MPDZ: variants seen among roughly 807,000 people sequenced by gnomAD.
The protein encoded by MPDZ is multiple PDZ domain protein.
A neutral mutation model predicts 239.1 loss-of-function variants in MPDZ; 234 were observed. That is an observed-to-expected ratio of 0.98 (90% confidence interval 0.88 to 1.09). MPDZ has a LOEUF of 1.09. Among genes scored for constraint, MPDZ ranks in the 50% least tolerant of loss-of-function variants. The pLI is 0.00. For missense variants in MPDZ, 3,175 were observed against 2,510.0 expected (o/e 1.26, Z -5.66); for synonymous variants, 1,048 against 881.3 (o/e 1.19, Z -3.35).
chr9:13,127,513 C>T (rs1228671806), intron 32 of MPDZ, among the ~76,000 whole-genome samples: 1 of 152,068 alleles, frequency 6.6e-6, no homozygotes, highest in African/African-American at 2.4e-5. Flanking sequence ...CCAGAGCTAG[C>T]CACCTTCTAA....
At position 13,150,706 on chromosome 9, in the gene MPDZ, T is replaced by A. The variant is rs751732433; in HGVS notation, c.3453-18A>T. 1 of 1,308,890 alleles carries A rather than the reference T, an allele frequency of 7.6e-7. No individual in the cohort carries two copies. Among genetic ancestry groups the A allele is most frequent in the Non-Finnish European group, 9.8e-7 (1 of 1,020,032 alleles). The allele number at this position is 1,308,890 out of a possible 1,614,324, so 81.1% of individuals were successfully genotyped here. On this transcript the variant is annotated intron_variant, in intron 24 of 46. Coordinates refer to ENST00000319217, the MANE Select transcript of MPDZ (RefSeq NM_001378778.1). ...GTTCCACCCTAAAAAATAAATAAAA[T>A]TTTCAACTCTTAGGAAAAATCATAA... is the stretch of plus-strand genomic sequence containing the variant.
rs750039753 is a variant in MPDZ, at chr9:13,217,190, A to T, written c.1191T>A (p.Asp397Glu). Reference protein sequence around the residue: ...LGITIAGYIGDKKLEPSGIFV... With the variant: ...LGITIAGYIGEKKLEPSGIFV... ...AATGTTTAAAATTACCCAATTTTTT[A>T]TCTCCAATGTAGCCAGCAATGGTAA... is the stretch of plus-strand genomic sequence containing the variant. The change falls in exon 9 of 47, where the codon GAT becomes GAA. Residue 397 changes from aspartate (D) to glutamate (E), a missense_variant. Asp to Glu is a conservative substitution (Grantham distance 45). Coordinates refer to ENST00000319217, the MANE Select transcript of MPDZ (RefSeq NM_001378778.1). 6.3e-7 allele frequency: 1 copy of T among 1,580,370 alleles called. No homozygotes were observed. Among genetic ancestry groups the T allele is most frequent in the East Asian group, 2.3e-5 (1 of 44,326 alleles).
chr9:13,169,965 T>G (rs1951577670), intron 21 of MPDZ, among the ~76,000 whole-genome samples: 1 of 152,202 alleles, frequency 6.6e-6, no homozygotes. Context: ...AGACTCTATC[T>G]GAATTAATGT....
At chr9:13,233,026 A>G (rs1202325385) in intron 3 of MPDZ, among the ~76,000 whole-genome samples, 3 of 152,136 alleles carry the variant, frequency 2.0e-5, no homozygotes, top group African/African-American at 7.2e-5. Context: ...ATTGGAGAAA[A>G]TAAATTTAAA....
chr9:13,215,191 C>T (rs1007451648), intron 10 of MPDZ, among the ~76,000 whole-genome samples: 9 of 151,828 alleles, frequency 5.9e-5, no homozygotes, highest in South Asian at 4.1e-4. Flanking sequence ...ATTTTAGATA[C>T]TTCATATCAG....
intron 21 of MPDZ, among the ~76,000 whole-genome samples, chr9:13,171,603 T>C (rs766481915): frequency 6.6e-6 from 1 of 152,132 alleles, no homozygotes; most frequent in African/African-American, 2.4e-5. Flanking sequence ...CACAGACTTA[T>C]CAAAAAGCAT....
At chr9:13,181,047 C>T (rs1358529760) in intron 19 of MPDZ, among the ~76,000 whole-genome samples, 2 of 151,998 alleles carry the variant, frequency 1.3e-5, no homozygotes, top group African/African-American at 4.8e-5. Context: ...CTGACGAAGG[C>T]CAAAAGACCA....
chr9:13,251,609 C>CA (rs947373230), intron 1 of MPDZ, among the ~76,000 whole-genome samples: 1 of 152,170 alleles, frequency 6.6e-6, no homozygotes, highest in African/African-American at 2.4e-5. Context: ...CATCTGGAAG[C>CA]AAAATGGAAT....
intron 35 of MPDZ, among the ~76,000 whole-genome samples, chr9:13,124,202 C>T (rs1045378390): frequency 2.0e-5 from 3 of 152,114 alleles, no homozygotes; most frequent in Non-Finnish European, 4.4e-5. Flanking sequence ...GTTAAGTTTT[C>T]ATCTAGCATT....
At chr9:13,228,865 C>A (rs977139300) in intron 3 of MPDZ, among the ~76,000 whole-genome samples, 1 of 152,054 alleles carries the variant, frequency 6.6e-6, no homozygotes, top group African/African-American at 2.4e-5. Flanking sequence ...AAAATAAATA[C>A]AACTGGTACA....
At chr9:13,116,158 C>A (rs939270264) in intron 39 of MPDZ, among the ~76,000 whole-genome samples, 5 of 152,060 alleles carry the variant, frequency 3.3e-5, no homozygotes, top group South Asian at 2.1e-4. Context: ...CTTTCTTGCA[C>A]CCCTTTACAA....
At chr9:13,257,590 A>G (rs1335506387) in intron 1 of MPDZ, among the ~76,000 whole-genome samples, 3 of 152,198 alleles carry the variant, frequency 2.0e-5, no homozygotes, top group Non-Finnish European at 2.9e-5. Flanking sequence ...GGTAAGTAAA[A>G]ATCGATTGGT....
chr9:13,253,963 C>A (rs1205089167), intron 1 of MPDZ, among the ~76,000 whole-genome samples: 1 of 152,196 alleles, frequency 6.6e-6, no homozygotes, highest in Non-Finnish European at 1.5e-5. Context: ...AGTAACTTGT[C>A]TAAGGCCACA....
chr9:13,185,217 G>A (rs1219183275), intron 18 of MPDZ, among the ~76,000 whole-genome samples: 2 of 151,894 alleles, frequency 1.3e-5, no homozygotes, highest in African/African-American at 4.8e-5. Context: ...TGAAATTATT[G>A]CATTTATTAT....
At chr9:13,231,570 A>G (rs906548636) in intron 3 of MPDZ, among the ~76,000 whole-genome samples, 2 of 152,018 alleles carry the variant, frequency 1.3e-5, no homozygotes, top group Admixed American at 6.6e-5. Context: ...AATAATAATA[A>G]TAGTAATTTT....
intron 12 of MPDZ, among the ~76,000 whole-genome samples, chr9:13,202,219 C>T (rs749091331): frequency 1.2e-4 from 19 of 152,128 alleles, no homozygotes; most frequent in Non-Finnish European, 2.4e-4. Context: ...CTGGAACTAA[C>T]TCCTTGACTT....
intron 26 of MPDZ, among the ~76,000 whole-genome samples, chr9:13,144,773 G>A (rs943249502): frequency 2.6e-5 from 4 of 152,078 alleles, no homozygotes; most frequent in African/African-American, 9.7e-5. Flanking sequence ...TGACATTTCT[G>A]CTCATCTCAA....
At chr9:13,140,753 G>T (rs1947544602) in intron 27 of MPDZ, 1 of 151,856 alleles carries the variant, frequency 6.6e-6, no homozygotes, top group Admixed American at 6.6e-5. Context: ...AGAAAAATCT[G>T]CCAAGAAACT....
At chr9:13,153,745 T>G (rs1949487728) in intron 24 of MPDZ, among the ~76,000 whole-genome samples, 1 of 152,098 alleles carries the variant, frequency 6.6e-6, no homozygotes, top group African/African-American at 2.4e-5. Context: ...CAGCCACAAG[T>G]GTAAATATTT....
Sources: allele counts gnomAD v4.1 joint callset (sites outside exome capture counted in the v4.1 genomes callset), GRCh38; gene constraint gnomAD v4.1.1; transcripts MANE v1.5; gene names NCBI Gene and HGNC (gene_info 2026-07-23, HGNC 2026-07-21).